Variants in PPP4R1 observed in about 807,000 individuals in gnomAD.
PPP4R1 encodes the protein serine/threonine-protein phosphatase 4 regulatory subunit 1.
PPP4R1 carries 42 observed loss-of-function variants against 111.2 expected under a neutral mutation model. The observed-to-expected ratio is 0.38, with a 90% CI of 0.29 to 0.49. The LOEUF is 0.49. Ranked by LOEUF, PPP4R1 falls within the 20% of genes least tolerant of loss-of-function variation. The pLI is 0.97. For synonymous variants in PPP4R1, 409 were observed against 405.5 expected (o/e 1.01, Z -0.10); for missense variants, 1,012 against 1,161.6 (o/e 0.87, Z 1.87).
intron 12 of PPP4R1, 200 bp downstream of exon 12, chr18:9,563,178 T>A: frequency 8.2e-7 from 1 of 1,219,424 alleles, no homozygotes; most frequent in Non-Finnish European, 1.1e-6. Flanking sequence ...TGGGATTTAC[T>A]TTTCCAGGCA....
In PPP4R1 at chr18:9,559,816, A is replaced by C. The variant is rs1446511384; in HGVS notation, c.1843-212T>G. On this transcript the variant is annotated intron_variant, in intron 13 of 19. Transcript: ENST00000400556. ...AAACATATATGAACAAATAAAAGCA[A>C]CTCTAGGAGAACAATGAATAACATC... Among the ~76,000 whole-genome samples, 6 of 152,192 alleles carry C rather than the reference A, an allele frequency of 3.9e-5. No homozygotes were observed. In the East Asian group the frequency reaches 1.2e-3, roughly 29 times the overall value.
chr18:9,566,594 C>T (rs1459104668), intron 11 of PPP4R1, among the ~76,000 whole-genome samples: 2 of 150,626 alleles, frequency 1.3e-5, no homozygotes, highest in African/African-American at 2.4e-5. Flanking sequence ...GAGGTTGCAG[C>T]GAGTTGAGAT....
At chr18:9,563,269 C>A in intron 12 of PPP4R1, 109 bp downstream of exon 12, 1 of 1,330,052 alleles carries the variant, frequency 7.5e-7, no homozygotes, top group Non-Finnish European at 1.0e-6. Context: ...AAAAAATCAG[C>A]AACAAACAGA....
intron 16 of PPP4R1, among the ~76,000 whole-genome samples, 197 bp downstream of exon 16, chr18:9,553,123 TAA>T (rs1238141854): frequency 6.6e-6 from 1 of 151,894 alleles, no homozygotes. Context: ...AAAGATGAAC[TAA>T]AGACATTTTC....
In PPP4R1 at chr18:9,588,080, T is replaced by A. The variant is rs768208222; in HGVS notation, c.585+9A>T. 10 of 1,613,318 alleles carry A rather than the reference T, an allele frequency of 6.2e-6. No homozygotes were observed. The highest frequency in any genetic ancestry group is 8.5e-6 in the Non-Finnish European group (10 of 1,179,716). On this transcript the variant is annotated intron_variant, in intron 6 of 19. Transcript: ENST00000400556. ...TTTTGCATAAGTGGAAAAATGGCAT[T>A]TGACTTACAGCCACAGCTTCTGTTT...
At chr18:9,562,973 C>T (rs2066702595) in intron 12 of PPP4R1, 1 of 997,598 alleles carries the variant, frequency 1.0e-6, no homozygotes, top group Non-Finnish European at 1.2e-6. Flanking sequence ...AACATGGCCT[C>T]AAGTCCCGAT....
At position 9,553,355 on chromosome 18, in the gene PPP4R1, C is replaced by A. The variant is rs1315433935; in HGVS notation, c.2258G>T (p.Ser753Ile). The change falls in exon 16 of 20, where the codon AGT becomes ATT. Residue 753 changes from serine to isoleucine, a missense_variant. Around this residue, in one of 2 missense-constraint regions of PPP4R1, gnomAD observed 305 missense variants for 419.5 expected, o/e 0.73. Coordinates refer to ENST00000400556, the MANE Select transcript of PPP4R1 (RefSeq NM_001042388.3). ...TTCAGCTCGAAACCGCCAATTTCTA[C>A]TATTATCTGTCACCAAAAACTCCTG... ...QLQEFLVTDN[S>I]RNWRFRAELA... 12 of 1,601,874 alleles carry A rather than the reference C, an allele frequency of 7.5e-6. No homozygotes were observed. Among genetic ancestry groups the A allele is most frequent in the Non-Finnish European group, 9.4e-6 (11 of 1,169,338 alleles).
At chr18:9,600,945 AGG>A (rs1157262521) in intron 2 of PPP4R1, among the ~76,000 whole-genome samples, 1 of 152,140 alleles carries the variant, frequency 6.6e-6, no homozygotes, top group Non-Finnish European at 1.5e-5. Context: ...ATCAAAGACA[AGG>A]AGTATTACTA....
chr18:9,610,750 C>CA (rs2067564717), intron 2 of PPP4R1, among the ~76,000 whole-genome samples: 3 of 152,144 alleles, frequency 2.0e-5, no homozygotes, highest in Admixed American at 2.0e-4. Context: ...TGAGCCACTG[C>CA]ACCCAGCCTA....
Position 9,547,925 on chromosome 18 carries a change from T to G in PPP4R1, c.2717A>C (p.His906Pro). 6.2e-7 allele frequency: 1 copy of G among 1,613,970 alleles called. No individual in the cohort carries two copies. Among genetic ancestry groups the G allele is most frequent in the Non-Finnish European group, 8.5e-7 (1 of 1,180,022 alleles). The part of the protein sequence containing the change: ...KDYFLASASC[H>P]QEAVEQTIMA... ...GATGGTCTGCTCCACAGCCTCCTGG[T>G]GGCAGCTGGCAGAGGCCAAGAAATA... The change falls in exon 20 of 20, where the codon CAC (histidine) becomes CCC (proline). Residue 906 changes from histidine to proline, a missense_variant. His to Pro is a moderately conservative substitution (Grantham distance 77). This residue lies in a region of PPP4R1 where 305 missense variants were observed against 419.5 expected (regional missense o/e 0.73). Coordinates refer to ENST00000400556, the MANE Select transcript of PPP4R1 (RefSeq NM_001042388.3).
intron 4 of PPP4R1, among the ~76,000 whole-genome samples, chr18:9,591,087 T>A (rs1012463677): frequency 6.6e-6 from 1 of 151,920 alleles, no homozygotes; most frequent in Non-Finnish European, 1.5e-5. Context: ...GTGGCTCATG[T>A]CTGTAATACC....
At chr18:9,579,000 G>C (rs2066983280) in intron 9 of PPP4R1, among the ~76,000 whole-genome samples, 1 of 152,080 alleles carries the variant, frequency 6.6e-6, no homozygotes, top group Non-Finnish European at 1.5e-5. Context: ...GTTTAATGTG[G>C]AGGAGAGAGA....
At chr18:9,602,629 G>A (rs1490746157) in intron 2 of PPP4R1, among the ~76,000 whole-genome samples, 1 of 151,858 alleles carries the variant, frequency 6.6e-6, no homozygotes, top group African/African-American at 2.4e-5. Context: ...GGAGGCCAAG[G>A]TGGGCTGATC....
chr18:9,583,627 A>G (rs948683429), intron 8 of PPP4R1, among the ~76,000 whole-genome samples: 2 of 152,248 alleles, frequency 1.3e-5, no homozygotes, highest in Admixed American at 6.5e-5. Flanking sequence ...TTGGCCTCCC[A>G]AAGTGCTAGG....
rs765551012 is a variant in PPP4R1 at position 9,547,744 on chromosome 18, C to G, written c.*45G>C. On this transcript the variant is annotated 3_prime_UTR_variant, in exon 20 of 20. Transcript: ENST00000400556. ...ACATGCGTGGCGAATGCCCACTGAA[C>G]CTCGGCTCTCATGGAAGCAGGAAAG... is the stretch of plus-strand genomic sequence containing the variant. The G allele has an allele frequency of 8.7e-6, 14 of 1,604,874 alleles. No individual in the cohort carries two copies. The highest frequency in any genetic ancestry group is 4.0e-5 in the African/African-American group (3 of 74,720).
At position 9,588,661 on chromosome 18, in the gene PPP4R1, A is replaced by G. The variant is rs375305610; in HGVS notation, c.438+50T>C. The G allele has an allele frequency of 1.8e-5, 27 of 1,500,928 alleles. No individual in the cohort carries two copies. The African/African-American group carries it at 2.4e-4, about 13-fold the overall frequency. 93.0% of individuals were successfully genotyped at this position (1,500,928 alleles called of 1,614,324 possible). On this transcript the variant is annotated intron_variant, in intron 5 of 19. Transcript: ENST00000400556. ...ACACTTAGGCTCGGCTATTCTCCAT[A>G]TATTACACTACGTAAATTTCTTTTA...
At chr18:9,575,071 A>G (rs555792363) in intron 10 of PPP4R1, among the ~76,000 whole-genome samples, 6 of 152,346 alleles carry the variant, frequency 3.9e-5, no homozygotes, top group Admixed American at 1.3e-4. Flanking sequence ...GAATCAATAA[A>G]TGCTTCAAAG....
rs1439507969 is a variant in PPP4R1, at chr18:9,593,753, T to C, written c.295+15A>G. ...CCTTTCTAGAATAGAGTAAATTCAC[T>C]TTCTCCACATATACCTGAATCATCG... On this transcript the variant is annotated intron_variant, in intron 4 of 19. Transcript: ENST00000400556. The C allele has an allele frequency of 6.9e-6, 11 of 1,605,262 alleles. No homozygotes were observed. Among genetic ancestry groups the C allele is most frequent in the Non-Finnish European group, 7.7e-6 (9 of 1,172,434 alleles).
chr18:9,560,687 T>C (rs1598898934), intron 13 of PPP4R1, among the ~76,000 whole-genome samples: 1 of 152,210 alleles, frequency 6.6e-6, no homozygotes, highest in Admixed American at 6.5e-5. Flanking sequence ...ACTGATTTCA[T>C]TTTTAGTAAA....
Sources: allele counts gnomAD v4.1 joint callset (sites outside exome capture counted in the v4.1 genomes callset), GRCh38; gene constraint gnomAD v4.1.1; regional missense constraint gnomAD v4.1.1; transcripts MANE v1.5; gene names NCBI Gene and HGNC (gene_info 2026-07-23, HGNC 2026-07-21).